Variants in DNAH8 observed in about 807,000 individuals in gnomAD.
DNAH8 encodes axonemal beta dynein heavy chain 8.
DNAH8 carries 382 observed loss-of-function variants against 562.1 expected under a neutral mutation model. That is an observed-to-expected ratio of 0.68 (90% confidence interval 0.63 to 0.74). DNAH8 has a LOEUF of 0.74. Ranked by LOEUF, DNAH8 falls within the 30% of genes least tolerant of loss-of-function variation. DNAH8 has a pLI of 0.00. For synonymous variants in DNAH8, 1,881 were observed against 1,919.4 expected (o/e 0.98, Z 0.52); for missense variants, 5,203 against 5,620.4 (o/e 0.93, Z 2.37).
At position 38,781,379 on chromosome 6, in the gene DNAH8, C is replaced by T. The variant is rs769901901; in HGVS notation, c.2259+6C>T. On this transcript the variant is annotated splice_donor_region_variant and intron_variant, in intron 16 of 92. Coordinates refer to ENST00000327475, the MANE Select transcript of DNAH8 (RefSeq NM_001206927.2). The stretch of plus-strand genomic sequence containing the variant: ...AGCCCATCAATTATTTCTTTGTAAG[C>T]CAAGAATTAAATTTTAATATGTGGA... 14 of 1,611,512 alleles carry T rather than the reference C, an allele frequency of 8.7e-6. No homozygotes were observed. The African/African-American group carries it at 1.9e-4, about 22-fold the overall frequency.
At chr6:38,962,092 A>T (rs1762640008) in intron 82 of DNAH8, among the ~76,000 whole-genome samples, 1 of 152,084 alleles carries the variant, frequency 6.6e-6, no homozygotes, top group Non-Finnish European at 1.5e-5. Flanking sequence ...AATAATTTTT[A>T]AAATACTCAT....
intron 8 of DNAH8, 112 bp from the exon 9 acceptor site, chr6:38,750,364 T>C: frequency 3.5e-6 from 2 of 567,492 alleles, no homozygotes; most frequent in Non-Finnish European, 6.0e-6. Flanking sequence ...CACACTTAAA[T>C]ATCTACCATT....
chr6:38,915,974 T>C (rs1264862402), intron 68 of DNAH8, among the ~76,000 whole-genome samples: 4 of 152,164 alleles, frequency 2.6e-5, no homozygotes, highest in African/African-American at 9.7e-5. Flanking sequence ...TAAGTATGTA[T>C]GTACATATAG....
chr6:38,928,695 A>G (rs115230575), intron 74 of DNAH8, among the ~76,000 whole-genome samples: 1,960 of 152,272 alleles, frequency 0.013, 36 homozygotes, highest in Middle Eastern at 0.037. Flanking sequence ...TCTTCCTTGC[A>G]TCTTATGGTC....
chr6:38,933,765 T>G (rs1782738080), intron 76 of DNAH8, among the ~76,000 whole-genome samples: 1 of 152,158 alleles, frequency 6.6e-6, no homozygotes, highest in Admixed American at 6.5e-5. Context: ...AGGACAAGGG[T>G]ATTAGGCTGT....
chr6:38,900,791 A>G (rs1780023106), intron 62 of DNAH8, among the ~76,000 whole-genome samples: 1 of 151,946 alleles, frequency 6.6e-6, no homozygotes, highest in African/African-American at 2.4e-5. Flanking sequence ...CAATTTTTGT[A>G]TTTTTAGTAG....
At chr6:38,964,620 A>T (rs1762853287) in intron 82 of DNAH8, among the ~76,000 whole-genome samples, 1 of 151,904 alleles carries the variant, frequency 6.6e-6, no homozygotes, top group Non-Finnish European at 1.5e-5. Context: ...AAAATCAAAA[A>T]TGTCTTAAAT....
chr6:38,881,132 G>T (rs1353299880), intron 53 of DNAH8, among the ~76,000 whole-genome samples: 1 of 80,286 alleles, frequency 1.2e-5, no homozygotes, highest in Non-Finnish European at 2.8e-5. Context: ...CCGTAATAGA[G>T]CACCTAGAGC....
At position 38,883,975 on chromosome 6, in the gene DNAH8, G is replaced by A. The variant is rs1321282614; in HGVS notation, c.8236G>A (p.Val2746Met). 5 of 1,572,758 alleles carry A rather than the reference G, an allele frequency of 3.2e-6. No individual in the cohort carries two copies. The highest frequency in any genetic ancestry group is 4.3e-6 in the Non-Finnish European group (5 of 1,157,608). ...ATTTATTGATGATATTAATATGCCTGTGATTAATGAGTGGGGAGATCAGGT... is the reference window on the plus strand; with the variant it reads ...ATTTATTGATGATATTAATATGCCTATGATTAATGAGTGGGGAGATCAGGT... ...TVFIDDINMP[V>M]INEWGDQITN... Residue 2746 changes from valine (V) to methionine (M), a missense_variant, in exon 56 of 93, where the codon GTG becomes ATG. Val to Met is a conservative substitution (Grantham distance 21, BLOSUM62 1). Coordinates refer to ENST00000327475, the MANE Select transcript of DNAH8 (RefSeq NM_001206927.2).
rs72849933 is a variant in DNAH8 at position 38,787,199 on chromosome 6, C to A, written c.2583+247C>A. Among the ~76,000 whole-genome samples the A allele has an allele frequency of 0.13, 19,215 of 151,896 alleles. 1,457 individuals carry two copies. Among genetic ancestry groups the A allele is most frequent in the Admixed American group, 0.22 (3,352 of 15,248 alleles). ...TTCTGGATAATGACTGACGAAATAG[C>A]AAGTTTCAAAAACTATTCTTAATAT... On this transcript the variant is annotated intron_variant, in intron 18 of 92. Coordinates refer to ENST00000327475, the MANE Select transcript of DNAH8 (RefSeq NM_001206927.2).
At chr6:38,759,331 A>G (rs2127605058) in intron 10 of DNAH8, among the ~76,000 whole-genome samples, 1 of 152,178 alleles carries the variant, frequency 6.6e-6, no homozygotes, top group Non-Finnish European at 1.5e-5. Flanking sequence ...ACAAACAAAC[A>G]AACAAACAAA....
intron 8 of DNAH8, among the ~76,000 whole-genome samples, chr6:38,748,684 G>A (rs1355521448): frequency 1.3e-5 from 2 of 151,398 alleles, no homozygotes; most frequent in African/African-American, 4.9e-5. Flanking sequence ...AACCCAGGAG[G>A]TGGAGCTTGC....
Position 38,931,923 on chromosome 6 carries a change from T to C in DNAH8, c.11387T>C (p.Ile3796Thr). 5.6e-6 allele frequency: 9 copies of C among 1,611,820 alleles called. No individual in the cohort carries two copies. Among genetic ancestry groups the C allele is most frequent in the Non-Finnish European group, 7.6e-6 (9 of 1,179,114 alleles). ...GAGATTAATGCTAAAACGTCAGTCA[T>C]TGATTTCACTGTTACAATGAAAGGA... ...TPEINAKTSV[I>T]DFTVTMKGLE... The change falls in exon 76 of 93, where the codon ATT becomes ACT. Residue 3796 changes from isoleucine to threonine, a missense_variant. Physicochemically the swap from Ile to Thr is moderately conservative, Grantham distance 89. This residue lies in a region of DNAH8 where 1,399 missense variants were observed against 1,518.4 expected (regional missense o/e 0.92). Coordinates refer to ENST00000327475, the MANE Select transcript of DNAH8 (RefSeq NM_001206927.2).
At position 38,822,979 on chromosome 6, in the gene DNAH8, A is replaced by C. The variant is rs144870469; in HGVS notation, c.3665A>C (p.Gln1222Pro). 5.6e-6 allele frequency: 9 copies of C among 1,612,392 alleles called. No homozygotes were observed. The highest frequency in any genetic ancestry group is 1.7e-4 in the Middle Eastern group (1 of 6,038). ...SLRKAAHEAL[Q>P]DFQKYKTLWT... is the part of the protein sequence containing the mutation. The stretch of plus-strand genomic sequence containing the variant: ...AGAAAGGCAGCTCATGAGGCCCTGC[A>C]GGACTTTCAGAAGTACAAGACTCTC... Residue 1222 changes from glutamine to proline, a missense_variant, in exon 27 of 93, where the codon CAG becomes CCG. Gln to Pro is a moderately conservative substitution (Grantham distance 76, BLOSUM62 -1). Around this residue, in one of 6 missense-constraint regions of DNAH8, gnomAD observed 2,176 missense variants for 2,365.1 expected, o/e 0.92. Coordinates refer to ENST00000327475, the MANE Select transcript of DNAH8 (RefSeq NM_001206927.2).
chr6:38,832,224 T>C, intron 30 of DNAH8, 98 bp from the exon 31 acceptor site: 1 of 705,310 alleles, frequency 1.4e-6, no homozygotes, highest in Non-Finnish European at 2.5e-6. Context: ...CTTGTTCATA[T>C]AGGATATCTG....
At chr6:38,935,556 A>G (rs762285927) in intron 76 of DNAH8, 36 bp from the exon 77 acceptor site, 2 of 1,448,864 alleles carry the variant, frequency 1.4e-6, no homozygotes, top group Non-Finnish European at 1.9e-6. Flanking sequence ...ACTGGTAATT[A>G]TAGTTCCAAT....
rs1028015493 is a variant in DNAH8 at position 39,030,751 on chromosome 6, A to G, written c.*359A>G. 1.3e-5 allele frequency among the ~76,000 whole-genome samples: 2 copies of G among 152,186 alleles called. No homozygotes were observed. The highest frequency in any genetic ancestry group is 2.9e-5 in the Non-Finnish European group (2 of 68,028). On this transcript the variant is annotated 3_prime_UTR_variant, in exon 93 of 93. Transcript: ENST00000327475. Reference sequence around the variant, plus strand: ...CTAGTAGTTGTAAACTTTTCCCTCAAGTAGGTACCAATTTCCCTTGAATAA... The same window carrying G: ...CTAGTAGTTGTAAACTTTTCCCTCAGGTAGGTACCAATTTCCCTTGAATAA...
chr6:38,864,528 C>T lies in DNAH8; in HGVS notation c.6498+468C>T, dbSNP rs1000628874. ...CTTTGTATGTCTTTACTCTAGTACT[C>T]GGCCTGACGAGGTACCTACTATCTC... On this transcript the variant is annotated intron_variant, in intron 45 of 92. Coordinates refer to ENST00000327475, the MANE Select transcript of DNAH8 (RefSeq NM_001206927.2). Among the ~76,000 whole-genome samples, 7 of 152,158 alleles carry T rather than the reference C, an allele frequency of 4.6e-5. No homozygotes were observed. In the South Asian group the frequency reaches 6.2e-4, roughly 14 times the overall value.
chr6:38,936,950 T>C (rs180916512), intron 77 of DNAH8, among the ~76,000 whole-genome samples: 18 of 152,270 alleles, frequency 1.2e-4, no homozygotes, highest in Admixed American at 9.8e-4. Flanking sequence ...ATCCAAGGTG[T>C]CTTTCCTTAG....
Sources: gnomAD v4.1 joint callset for allele counts (sites outside exome capture counted in the v4.1 genomes callset) on GRCh38, gnomAD v4.1.1 for gene constraint, gnomAD v4.1.1 regional missense constraint, MANE v1.5 for transcripts, NCBI Gene and HGNC (gene_info 2026-07-23, HGNC 2026-07-21) for gene names.